The following WWOX variants were observed in gnomAD, a reference collection of about 807,000 sequenced individuals.
The protein encoded by WWOX is WW domain-containing oxidoreductase.
WWOX carries 69 observed loss-of-function variants against 46.2 expected under a neutral mutation model. The ratio of observed to expected loss-of-function variants is 1.49; its 90% CI spans 1.23 to 1.82. The LOEUF (loss-of-function observed/expected upper bound fraction) is 1.82. Among genes scored for constraint, WWOX ranks in the 40% most tolerant of loss-of-function variants. The probability of loss-of-function intolerance (pLI) is 0.00; values close to 1 mark genes in which losing one functional copy is unlikely to be tolerated. For missense variants in WWOX, 919 were observed against 542.6 expected, an observed-to-expected ratio of 1.69 and a Z score of -6.89; for synonymous variants, 359 against 202.6, an observed-to-expected ratio of 1.77 and a Z score of -6.56.
At chr16:79,009,076 G>C (rs994829447) in intron 8 of WWOX, among the ~76,000 whole-genome samples, 2 of 152,202 alleles carry the variant, frequency 1.3e-5, no homozygotes, top group Non-Finnish European at 2.9e-5. Context: ...GGGATCCACG[G>C]AGCTGGCAGA....
At position 78,320,619 on chromosome 16, in the gene WWOX, C is replaced by G. The variant is rs549832712; in HGVS notation, c.517-66241C>G. ...CCAAATGCTTTCTAGAATTATTCAA[C>G]CAAAGACAGCAGGCTGCACCTAGGG... is the stretch of plus-strand genomic sequence containing the variant. On this transcript the variant is annotated intron_variant, in intron 5 of 8. Coordinates refer to ENST00000566780, the MANE Select transcript of WWOX (RefSeq NM_016373.4). Among the ~76,000 whole-genome samples the G allele has an allele frequency of 2.0e-5, 3 of 152,280 alleles. No individual in the cohort carries two copies. In the East Asian group the frequency reaches 5.8e-4, roughly 29 times the overall value.
chr16:78,783,408 G>C (rs73575605), intron 8 of WWOX, among the ~76,000 whole-genome samples: 11 of 152,234 alleles, frequency 7.2e-5, no homozygotes, highest in Non-Finnish European at 1.6e-4. Context: ...ACACGACCAA[G>C]AGACAGAAGA....
At chr16:78,419,735 A>G (rs1367134538) in intron 6 of WWOX, among the ~76,000 whole-genome samples, 1 of 151,848 alleles carries the variant, frequency 6.6e-6, no homozygotes, top group East Asian at 1.9e-4. Flanking sequence ...TTTGGCTTAG[A>G]CAATGATTTC....
intron 8 of WWOX, among the ~76,000 whole-genome samples, chr16:78,680,796 T>G (rs1161990804): frequency 6.6e-6 from 1 of 152,128 alleles, no homozygotes; most frequent in African/African-American, 2.4e-5. Context: ...TTGGGCACAG[T>G]ACCTGCTGTG....
At chr16:79,006,887 T>C (rs1326710993) in intron 8 of WWOX, among the ~76,000 whole-genome samples, 1 of 152,196 alleles carries the variant, frequency 6.6e-6, no homozygotes, top group East Asian at 1.9e-4. Context: ...AGGACCTTTG[T>C]GATAGTTTTG....
chr16:78,773,284 A>T (rs145144565), intron 8 of WWOX, among the ~76,000 whole-genome samples: 2 of 152,040 alleles, frequency 1.3e-5, no homozygotes, highest in African/African-American at 4.8e-5. Context: ...TTCTACTACA[A>T]CTTCTGGCTC....
chr16:78,612,637 A>G (rs1597347454), intron 8 of WWOX, among the ~76,000 whole-genome samples: 1 of 152,038 alleles, frequency 6.6e-6, no homozygotes, highest in Admixed American at 6.5e-5. Flanking sequence ...ACACCTGGCT[A>G]TTTTTAATTT....
chr16:78,356,792 G>A (rs1004103000), intron 5 of WWOX, among the ~76,000 whole-genome samples: 3 of 152,136 alleles, frequency 2.0e-5, no homozygotes, highest in East Asian at 1.9e-4. Context: ...TGAGGCAGGA[G>A]AATTTCTTGA....
intron 8 of WWOX, among the ~76,000 whole-genome samples, chr16:79,135,931 C>G (rs2049973648): frequency 6.6e-6 from 1 of 152,042 alleles, no homozygotes; most frequent in Non-Finnish European, 1.5e-5. Flanking sequence ...GGTGAGAGCT[C>G]TGTGTAAATT....
chr16:78,793,436 A>C (rs2050659777), intron 8 of WWOX, among the ~76,000 whole-genome samples: 1 of 152,102 alleles, frequency 6.6e-6, no homozygotes, highest in Admixed American at 6.6e-5. Context: ...CAAGAATACA[A>C]ATTGAACATT....
At position 78,733,176 on chromosome 16, in the gene WWOX, A is replaced by G. The variant is rs549438751; in HGVS notation, c.1056+300424A>G. Among the ~76,000 whole-genome samples, 13 of 152,376 alleles carry G rather than the reference A, an allele frequency of 8.5e-5. No individual in the cohort carries two copies. The East Asian group carries it at 2.3e-3, about 27-fold the overall frequency. On this transcript the variant is annotated intron_variant, in intron 8 of 8. Transcript: ENST00000566780. ...TTTTTATGCACAGCTATTTATAAAG[A>G]AGATTCTATAATACTAAAGTAAATA...
At chr16:79,006,285 A>T (rs1034824375) in intron 8 of WWOX, among the ~76,000 whole-genome samples, 2 of 152,074 alleles carry the variant, frequency 1.3e-5, no homozygotes, top group African/African-American at 4.8e-5. Flanking sequence ...GGAGGAGAAG[A>T]TGTGAAGCGC....
At chr16:78,544,388 A>G (rs1225820212) in intron 8 of WWOX, among the ~76,000 whole-genome samples, 2 of 148,520 alleles carry the variant, frequency 1.3e-5, no homozygotes, top group African/African-American at 4.9e-5. Context: ...CTTCCCTACA[A>G]CCTTATTAAG....
intron 5 of WWOX, among the ~76,000 whole-genome samples, chr16:78,341,630 A>G (rs2081016879): frequency 8.4e-6 from 1 of 119,300 alleles, no homozygotes; most frequent in African/African-American, 2.8e-5. Context: ...ATAAGTCTAG[A>G]TGGGATAGGT....
chr16:78,825,959 G>C (rs2051642636), intron 8 of WWOX: 1 of 790,960 alleles, frequency 1.3e-6, no homozygotes. Flanking sequence ...ACAGAAGGGT[G>C]GGAAGCCAGA....
At chr16:78,447,298 A>G (rs1431385283) in intron 8 of WWOX, among the ~76,000 whole-genome samples, 1 of 146,164 alleles carries the variant, frequency 6.8e-6, no homozygotes, top group Non-Finnish European at 1.5e-5. Flanking sequence ...TAATACTGTA[A>G]TAAATTTTTT....
chr16:78,552,735 T>A (rs2044203771), intron 8 of WWOX: 2 of 152,292 alleles, frequency 1.3e-5, no homozygotes, highest in African/African-American at 2.4e-5. Flanking sequence ...TTTGTTCATT[T>A]AATTACTCAT....
rs951357053 is a variant in WWOX at position 78,864,975 on chromosome 16, C to T, written c.1057-346633C>T. On this transcript the variant is annotated intron_variant, in intron 8 of 8. Transcript: ENST00000566780. Reference sequence around the variant, plus strand: ...TTGGGGTTTTACCATGTTGGCCAGGCTGGTCTTGAACTCCTGACCTCAAGT... The same window carrying T: ...TTGGGGTTTTACCATGTTGGCCAGGTTGGTCTTGAACTCCTGACCTCAAGT... 2.6e-5 allele frequency among the ~76,000 whole-genome samples: 4 copies of T among 151,878 alleles called. No individual in the cohort carries two copies. In the South Asian group the frequency reaches 8.3e-4, roughly 32 times the overall value.
chr16:78,252,187 G>C (rs1243019604), intron 5 of WWOX, among the ~76,000 whole-genome samples: 1 of 152,202 alleles, frequency 6.6e-6, no homozygotes, highest in Non-Finnish European at 1.5e-5. Flanking sequence ...TTATTGCACA[G>C]TGAGTGTGTG....
Sources: gnomAD v4.1 joint callset for allele counts (sites outside exome capture counted in the v4.1 genomes callset) on GRCh38, gnomAD v4.1.1 for gene constraint, MANE v1.5 for transcripts, NCBI Gene and HGNC (gene_info 2026-07-23, HGNC 2026-07-21) for gene names.